TLN2: variants seen among roughly 807,000 people sequenced by gnomAD.
TLN2 encodes the protein talin-2.
A neutral mutation model predicts 294.7 loss-of-function variants in TLN2; 118 were observed. The ratio of observed to expected loss-of-function variants is 0.40; its 90% CI spans 0.34 to 0.47. TLN2 has a LOEUF of 0.47. Among genes scored for constraint, TLN2 ranks in the 20% least tolerant of loss-of-function variants. The probability of loss-of-function intolerance (pLI) is 0.84; values close to 1 mark genes in which losing one functional copy is unlikely to be tolerated. For synonymous variants in TLN2, 1,431 were observed against 1,304.5 expected (o/e 1.10, Z -2.09); for missense variants, 3,083 against 3,282.2 (o/e 0.94, Z 1.48).
Position 62,758,224 on chromosome 15 carries a change from C to T in TLN2, c.4638+2531C>T, listed in dbSNP as rs552749987. On this transcript the variant is annotated intron_variant, in intron 37 of 58. Coordinates refer to ENST00000636159, the MANE Select transcript of TLN2 (RefSeq NM_015059.3). ...GAGCAGATTACCTCACACAGTGGCT[C>T]ATCGGCATCAGTCACTACTGATGGC... Among the ~76,000 whole-genome samples the T allele has an allele frequency of 2.0e-5, 3 of 152,224 alleles. No individual in the cohort carries two copies. The South Asian group carries it at 6.2e-4, about 32-fold the overall frequency.
chr15:62,713,279 A>C (rs922983793), intron 22 of TLN2, among the ~76,000 whole-genome samples: 20 of 149,254 alleles, frequency 1.3e-4, no homozygotes, highest in African/African-American at 5.1e-4. Context: ...CTCAAAAAAA[A>C]AAAAAAAAAA....
chr15:62,651,616 G>A (rs953518908), intron 5 of TLN2, among the ~76,000 whole-genome samples: 9 of 152,148 alleles, frequency 5.9e-5, no homozygotes, highest in Non-Finnish European at 1.3e-4. Flanking sequence ...GGGGTAGGAG[G>A]GAAGAAATGC....
At position 62,577,697 on chromosome 15, in the gene TLN2, A is replaced by T. The variant is rs561875727; in HGVS notation, c.-237-11990A>T. ...TTTTGTATATATTTAACTTATAAAAATTTTTTTTTAATATACTTTAAGCTC... is the reference window on the plus strand; with the variant it reads ...TTTTGTATATATTTAACTTATAAAATTTTTTTTTTAATATACTTTAAGCTC... On this transcript the variant is annotated intron_variant, in intron 1 of 58. Transcript: ENST00000636159. Among the ~76,000 whole-genome samples, 92 of 150,754 alleles carry T rather than the reference A, an allele frequency of 6.1e-4. 2 individuals are homozygous for T. The highest frequency in any genetic ancestry group is 3.6e-3 in the South Asian group (17 of 4,780).
At chr15:62,702,944 G>C in intron 19 of TLN2, 80 bp downstream of exon 19, 1 of 1,281,322 alleles carries the variant, frequency 7.8e-7, no homozygotes, top group Non-Finnish European at 1.1e-6. Context: ...TGTAATATTT[G>C]AAAACTAACT....
intron 1 of TLN2, among the ~76,000 whole-genome samples, chr15:62,581,041 GC>G (rs1369735814): frequency 6.6e-6 from 1 of 151,802 alleles, no homozygotes; most frequent in Non-Finnish European, 1.5e-5. Flanking sequence ...CCACCACCAT[GC>G]CCGGCTAATT....
Position 62,697,823 on chromosome 15 carries a change from G to A in TLN2, c.1428G>A (p.Gln476=), listed in dbSNP as rs1438581215. ...FNVGSMPSPQ[Q]QVMVGQMHRG... Reference sequence around the variant, plus strand: ...TTGGCAGCATGCCCTCGCCACAGCAGCAGGTCATGGTTGGGCAGATGCACC... The same window carrying A: ...TTGGCAGCATGCCCTCGCCACAGCAACAGGTCATGGTTGGGCAGATGCACC... The change falls in exon 15 of 59, where the codon CAG becomes CAA. Residue 476 remains glutamine, a synonymous_variant. Transcript: ENST00000636159. 1 of 1,613,066 alleles carries A rather than the reference G, an allele frequency of 6.2e-7. No homozygotes were observed. The highest frequency in any genetic ancestry group is 1.1e-5 in the South Asian group (1 of 91,070).
intron 11 of TLN2, among the ~76,000 whole-genome samples, chr15:62,677,361 C>T (rs2056331393): frequency 6.6e-6 from 1 of 152,222 alleles, no homozygotes; most frequent in Non-Finnish European, 1.5e-5. Context: ...TACCATCAGG[C>T]TTCACACAGT....
At chr15:62,757,479 G>A (rs781361281) in intron 37 of TLN2, among the ~76,000 whole-genome samples, 1 of 152,148 alleles carries the variant, frequency 6.6e-6, no homozygotes, top group Non-Finnish European at 1.5e-5. Context: ...ATGGACCAAC[G>A]GAGTAAAAAC....
intron 41 of TLN2, among the ~76,000 whole-genome samples, chr15:62,767,433 C>G (rs1312048756): frequency 6.6e-6 from 1 of 151,908 alleles, no homozygotes; most frequent in African/African-American, 2.4e-5. Flanking sequence ...CCTCCGCCTC[C>G]CGGGTTCAGT....
At chr15:62,746,379 T>A (rs550346620) in intron 32 of TLN2, among the ~76,000 whole-genome samples, 5 of 152,204 alleles carry the variant, frequency 3.3e-5, no homozygotes, top group African/African-American at 4.8e-5. Context: ...CTAGGGATTG[T>A]CCGGCTGTCT....
intron 1 of TLN2, among the ~76,000 whole-genome samples, chr15:62,575,784 C>T (rs1410169955): frequency 2.0e-5 from 3 of 152,190 alleles, no homozygotes; most frequent in Non-Finnish European, 2.9e-5. Flanking sequence ...ATTCCATGTT[C>T]GTTACTTCAT....
chr15:62,577,320 T>G (rs2044508206), intron 1 of TLN2, among the ~76,000 whole-genome samples: 1 of 151,936 alleles, frequency 6.6e-6, no homozygotes, highest in Non-Finnish European at 1.5e-5. Context: ...GCGCATGCCT[T>G]TAATCCCAGC....
chr15:62,584,771 A>G (rs546339203), intron 1 of TLN2, among the ~76,000 whole-genome samples: 43 of 152,362 alleles, frequency 2.8e-4, no homozygotes, highest in African/African-American at 9.1e-4. Context: ...TACGGCTGCC[A>G]AAGAACTTTT....
chr15:62,518,159 C>T (rs928186466), intron 1 of TLN2, among the ~76,000 whole-genome samples: 1 of 152,154 alleles, frequency 6.6e-6, no homozygotes, highest in Admixed American at 6.5e-5. Context: ...CTGTCTCAGC[C>T]TCCTGAGTAG....
chr15:62,723,460 A>G (rs964462165), intron 26 of TLN2, among the ~76,000 whole-genome samples: 7 of 150,420 alleles, frequency 4.7e-5, no homozygotes, highest in African/African-American at 1.7e-4. Flanking sequence ...ATTGAACCAC[A>G]CTGCTCGAAA....
At chr15:62,714,124 A>G (rs2059612464) in intron 22 of TLN2, among the ~76,000 whole-genome samples, 1 of 151,776 alleles carries the variant, frequency 6.6e-6, no homozygotes, top group African/African-American at 2.4e-5. Flanking sequence ...AATGAAAAAA[A>G]TTAAAACTCA....
At chr15:62,712,351 A>G (rs1362107476) in intron 22 of TLN2, among the ~76,000 whole-genome samples, 1 of 152,204 alleles carries the variant, frequency 6.6e-6, no homozygotes, top group Non-Finnish European at 1.5e-5. Flanking sequence ...TGTTGGCTTC[A>G]TTCAATGTGG....
intron 1 of TLN2, among the ~76,000 whole-genome samples, chr15:62,558,914 T>A (rs544804099): frequency 6.6e-6 from 1 of 152,306 alleles, no homozygotes; most frequent in African/African-American, 2.4e-5. Flanking sequence ...CCTTTCTTCT[T>A]TGTAAACACA....
At chr15:62,528,184 TAATTTA>T (rs2040841918) in intron 1 of TLN2, among the ~76,000 whole-genome samples, 1 of 152,232 alleles carries the variant, frequency 6.6e-6, no homozygotes, top group African/African-American at 2.4e-5. Context: ...AGCCAAAATA[TAATTTA>T]AATTGATAAT....
Sources: allele counts gnomAD v4.1 joint callset (sites outside exome capture counted in the v4.1 genomes callset), GRCh38; gene constraint gnomAD v4.1.1; transcripts MANE v1.5; gene names NCBI Gene and HGNC (gene_info 2026-07-23, HGNC 2026-07-21).